The following THOC7 variants were observed in gnomAD, a reference collection of about 807,000 sequenced individuals.
THOC7 encodes the protein NIF3L1-binding protein 1.
A neutral mutation model predicts 33.1 loss-of-function variants in THOC7; 22 were observed. That is an observed-to-expected ratio of 0.66 (90% confidence interval 0.47 to 0.95). The LOEUF (loss-of-function observed/expected upper bound fraction) is 0.95, where lower values mean the gene tolerates loss of function less well. Ranked by LOEUF, THOC7 falls within the 40% of genes least tolerant of loss-of-function variation. The pLI is 0.00. For missense variants in THOC7, 184 were observed against 245.3 expected (o/e 0.75, Z 1.67); for synonymous variants, 77 against 76.8 (o/e 1.00, Z -0.01).
At chr3:63,843,826 G>A (rs759857067) in intron 1 of THOC7, among the ~76,000 whole-genome samples, 8 of 152,164 alleles carry the variant, frequency 5.3e-5, no homozygotes, top group Middle Eastern at 3.4e-3. Context: ...GCGTGAACCC[G>A]GGAGGCGGAG....
At chr3:63,859,733 C>G (rs1242840622) in intron 1 of THOC7, among the ~76,000 whole-genome samples, 2 of 152,234 alleles carry the variant, frequency 1.3e-5, no homozygotes, top group Non-Finnish European at 2.9e-5. Flanking sequence ...GCCAGGACCT[C>G]GCATTGTGCC....
chr3:63,858,137 G>T (rs964102571), intron 1 of THOC7, among the ~76,000 whole-genome samples: 1 of 152,102 alleles, frequency 6.6e-6, no homozygotes, highest in Non-Finnish European at 1.5e-5. Flanking sequence ...CACCCTAGTT[G>T]GTGACCACAC....
At chr3:63,846,422 T>A (rs1701897547) in intron 1 of THOC7, among the ~76,000 whole-genome samples, 1 of 152,128 alleles carries the variant, frequency 6.6e-6, no homozygotes. Context: ...TTTTTATTTT[T>A]TTTAGACGGA....
At chr3:63,851,177 G>C (rs185699726) in intron 1 of THOC7, among the ~76,000 whole-genome samples, 12 of 152,266 alleles carry the variant, frequency 7.9e-5, no homozygotes, top group Admixed American at 6.5e-4. Flanking sequence ...AATGTTTCCA[G>C]AGAGCCATCT....
intron 1 of THOC7, among the ~76,000 whole-genome samples, chr3:63,842,088 A>G (rs1424778412): frequency 6.6e-6 from 1 of 152,212 alleles, no homozygotes; most frequent in Non-Finnish European, 1.5e-5. Flanking sequence ...AAGAGAGATT[A>G]AAGTTTGATG....
intron 7 of THOC7, 22 bp from the exon 8 acceptor site, chr3:63,834,221 A>G (rs1271667561): frequency 1.5e-5 from 24 of 1,612,584 alleles, no homozygotes; most frequent in Non-Finnish European, 1.9e-5. Flanking sequence ...AAGGAAACAT[A>G]AAACCTTAGT....
chr3:63,844,050 T>C (rs1701831589), intron 1 of THOC7, among the ~76,000 whole-genome samples: 1 of 152,184 alleles, frequency 6.6e-6, no homozygotes, highest in Non-Finnish European at 1.5e-5. Flanking sequence ...TCATTTCAAC[T>C]ACATGGATGA....
Position 63,863,642 on chromosome 3 carries a change from G to A in THOC7, c.19+130C>T, listed in dbSNP as rs975065996. On this transcript the variant is annotated intron_variant, in intron 1 of 7. Transcript: ENST00000295899. ...CGGGGCTCCGGGGAGAGGTCGGGAA[G>A]GCCGAAGCGCTCTGGCGAAGAGGCC... is the stretch of plus-strand genomic sequence containing the variant. 14 of 1,212,666 alleles carry A rather than the reference G, an allele frequency of 1.2e-5. No individual in the cohort carries two copies. The African/African-American group carries it at 2.1e-4, about 18-fold the overall frequency. 75.1% of individuals were successfully genotyped at this position (1,212,666 alleles called of 1,614,324 possible).
At chr3:63,863,626 G>A in intron 1 of THOC7, 146 bp downstream of exon 1, 2 of 1,201,690 alleles carry the variant, frequency 1.7e-6, no homozygotes, top group Non-Finnish European at 2.1e-6. Flanking sequence ...CCGGGGCTCC[G>A]GGGAGAGGTC....
intron 1 of THOC7, among the ~76,000 whole-genome samples, chr3:63,843,189 G>T (rs1470938775): frequency 6.6e-6 from 1 of 152,050 alleles, no homozygotes; most frequent in East Asian, 1.9e-4. Flanking sequence ...CATGATCTCG[G>T]CTTACTGCAA....
intron 5 of THOC7, among the ~76,000 whole-genome samples, chr3:63,835,926 T>C (rs2107117200): frequency 6.6e-6 from 1 of 152,142 alleles, no homozygotes; most frequent in South Asian, 2.1e-4. Flanking sequence ...TTATTCTGTA[T>C]GTGTTTCAGG....
In THOC7 at chr3:63,838,041, T is replaced by C. The variant is rs766894035; in HGVS notation, c.287A>G (p.His96Arg). The change falls in exon 4 of 8, where the codon CAT (histidine) becomes CGT (arginine). Residue 96 changes from histidine (H) to arginine (R), a missense_variant. His to Arg is a conservative substitution (Grantham distance 29). This residue lies in a region of THOC7 where 157 missense variants were observed against 201.3 expected (regional missense o/e 0.78). Coordinates refer to ENST00000295899, the MANE Select transcript of THOC7 (RefSeq NM_025075.4). ...KEIECSIAGA[H>R]EKIAECKKQI... Reference sequence around the variant, plus strand: ...CTTTTTGCACTCAGCAATTTTTTCATGTGCTCCAGCTATGCTACATTCTAT... The same window carrying C: ...CTTTTTGCACTCAGCAATTTTTTCACGTGCTCCAGCTATGCTACATTCTAT... 3 of 1,609,528 alleles carry C rather than the reference T, an allele frequency of 1.9e-6. No individual in the cohort carries two copies. The highest frequency in any genetic ancestry group is 2.5e-6 in the Non-Finnish European group (3 of 1,178,390).
At chr3:63,863,832 A>AGGCGGCGGTTGGC (rs1172502186), upstream of THOC7, 7 of 1,218,474 alleles carry the variant, frequency 5.7e-6, no homozygotes, top group South Asian at 4.0e-5. Flanking sequence ...GCGCAAGCTG[A>AGGCGGCGGTTGGC]GGCGGCGGTT....
chr3:63,839,617 T>G (rs1470041210), intron 2 of THOC7, 39 bp downstream of exon 2: 7 of 1,563,444 alleles, frequency 4.5e-6, no homozygotes, highest in Non-Finnish European at 6.2e-6. Flanking sequence ...AAAATCACAT[T>G]AGGACACTGG....
At chr3:63,858,689 AAATT>A (rs1702155106) in intron 1 of THOC7, among the ~76,000 whole-genome samples, 1 of 152,226 alleles carries the variant, frequency 6.6e-6, no homozygotes, top group Non-Finnish European at 1.5e-5. Flanking sequence ...AACATAGTTT[AAATT>A]AACAGTGACA....
chr3:63,839,573 TTTGA>T (rs138554894), intron 2 of THOC7, 79 bp downstream of exon 2: 149,156 of 1,150,224 alleles, frequency 0.13, 10,166 homozygotes, highest in Admixed American at 0.17. Flanking sequence ...TGAGTGAAAA[TTTGA>T]TCTACTCACA....
chr3:63,850,586 T>C (rs1176691674), intron 1 of THOC7, among the ~76,000 whole-genome samples: 1 of 100,786 alleles, frequency 9.9e-6, no homozygotes, highest in Non-Finnish European at 1.7e-5. Flanking sequence ...CTTTCTTTCC[T>C]TTTTTTTTTT....
chr3:63,838,729 C>G (rs1284895550), intron 2 of THOC7, among the ~76,000 whole-genome samples: 1 of 152,064 alleles, frequency 6.6e-6, no homozygotes, highest in Non-Finnish European at 1.5e-5. Flanking sequence ...TTGTTCTTAT[C>G]AATGCACATT....
chr3:63,836,316 C>T lies in THOC7; in HGVS notation c.395G>A (p.Arg132Lys), dbSNP rs1363347668. 6.2e-7 allele frequency: 1 copy of T among 1,612,642 alleles called. No individual in the cohort carries two copies. Among genetic ancestry groups the T allele is most frequent in the Non-Finnish European group, 8.5e-7 (1 of 1,179,112 alleles). ...CTACACTTACTTTAATGTCTCATGC[C>T]TGTCTGGATGGTGCTGAATCACTTT... ...LAKVIQHHPD[R>K]HETLKELEAL... Residue 132 changes from arginine to lysine, a missense_variant, in exon 5 of 8, where the codon AGG (arginine) becomes AAG (lysine). By Grantham distance (26) the Arg-to-Lys change is conservative. Transcript: ENST00000295899.
Sources: gnomAD v4.1 joint callset for allele counts (sites outside exome capture counted in the v4.1 genomes callset) on GRCh38, gnomAD v4.1.1 for gene constraint, gnomAD v4.1.1 regional missense constraint, MANE v1.5 for transcripts, NCBI Gene and HGNC (gene_info 2026-07-23, HGNC 2026-07-21) for gene names.